ZNF398: variants seen among roughly 807,000 people sequenced by gnomAD.
The protein encoded by ZNF398 is zinc finger protein 398.
In ZNF398, 18 loss-of-function variants were observed where a neutral mutation model predicts 41.9. The observed-to-expected ratio is 0.43, with a 90% CI of 0.30 to 0.64. The LOEUF is 0.64. Among genes scored for constraint, ZNF398 ranks in the 30% least tolerant of loss-of-function variants. The pLI, the probability that ZNF398 is intolerant of heterozygous loss-of-function variation, is 0.14. For synonymous variants in ZNF398, 260 were observed against 308.8 expected, an observed-to-expected ratio of 0.84 and a Z score of 1.66; for missense variants, 669 against 822.8, an observed-to-expected ratio of 0.81 and a Z score of 2.29.
At chr7:149,149,437 T>G (rs1246454021) in intron 1 of ZNF398, among the ~76,000 whole-genome samples, 2 of 152,020 alleles carry the variant, frequency 1.3e-5, no homozygotes, top group Non-Finnish European at 2.9e-5. Context: ...TTTCACCGTG[T>G]TTGCCGGGAT....
At chr7:149,127,429 G>A (rs565189349) in intron 1 of ZNF398, among the ~76,000 whole-genome samples, 5 of 151,900 alleles carry the variant, frequency 3.3e-5, no homozygotes, top group African/African-American at 7.2e-5. Flanking sequence ...CGTTTCGGAT[G>A]GGCGCGGTGC....
chr7:149,127,505 G>A (rs547484008), intron 1 of ZNF398, among the ~76,000 whole-genome samples: 1 of 134,898 alleles, frequency 7.4e-6, no homozygotes, highest in African/African-American at 2.8e-5. Context: ...AGGAGAGCGA[G>A]ACCATCCTGG....
At chr7:149,153,237 G>A (rs1794898871) in intron 1 of ZNF398, among the ~76,000 whole-genome samples, 1 of 152,138 alleles carries the variant, frequency 6.6e-6, no homozygotes, top group Non-Finnish European at 1.5e-5. Flanking sequence ...CAGCTACTTA[G>A]GAGGTTGAGG....
intron 2 of ZNF398, among the ~76,000 whole-genome samples, chr7:149,132,993 G>A (rs1826629422): frequency 6.6e-6 from 1 of 152,002 alleles, no homozygotes; most frequent in African/African-American, 2.4e-5. Context: ...CTCACTATCT[G>A]CCTAAATAAT....
chr7:149,149,195 A>G (rs1338369249), intron 1 of ZNF398, among the ~76,000 whole-genome samples: 1 of 152,074 alleles, frequency 6.6e-6, no homozygotes, highest in Non-Finnish European at 1.5e-5. Flanking sequence ...TATCTAACTC[A>G]ATATATGCAA....
Position 149,154,325 on chromosome 7 carries a change from G to A in ZNF398, c.405G>A (p.Lys135=). 6.2e-7 allele frequency: 1 copy of A among 1,612,502 alleles called. No individual in the cohort carries two copies. The highest frequency in any genetic ancestry group is 8.5e-7 in the Non-Finnish European group (1 of 1,179,234). ...FWILRLPPGI[K]GDIPKVPVAF... is the part of the protein sequence containing the mutation. ...TCCTGCGGCTCCCTCCAGGTATTAA[G>A]GGAGATATCCCAAAGGTAATACCTT... Residue 135 remains lysine (K), a synonymous_variant, in exon 2 of 6, where the codon AAG becomes AAA. Transcript: ENST00000475153.
At chr7:149,152,599 T>C (rs1308207082) in intron 1 of ZNF398, among the ~76,000 whole-genome samples, 3 of 148,374 alleles carry the variant, frequency 2.0e-5, no homozygotes, top group South Asian at 2.1e-4. Context: ...GGAGTTTTGC[T>C]CTTATTGCCC....
chr7:149,172,151 A>G (rs567674195), intron 4 of ZNF398, among the ~76,000 whole-genome samples: 2 of 152,342 alleles, frequency 1.3e-5, no homozygotes, highest in South Asian at 2.1e-4. Context: ...GTATCAGCAT[A>G]GAGACTACAT....
intron 4 of ZNF398, among the ~76,000 whole-genome samples, chr7:149,171,526 C>G (rs1312129490): frequency 1.3e-5 from 2 of 151,358 alleles, no homozygotes; most frequent in South Asian, 2.1e-4. Context: ...GCTGCGCCCC[C>G]ACGCCCGGCT....
intron 1 of ZNF398, among the ~76,000 whole-genome samples, chr7:149,152,848 C>T (rs1227750148): frequency 3.3e-5 from 5 of 151,078 alleles, no homozygotes; most frequent in South Asian, 2.1e-4. Flanking sequence ...AGCCACCCAC[C>T]GTGCCCAGCC....
At chr7:149,148,861 GTCTTTT>G (rs1827032280) in intron 1 of ZNF398, among the ~76,000 whole-genome samples, 1 of 29,854 alleles carries the variant, frequency 3.3e-5, no homozygotes, top group Admixed American at 3.9e-4. Flanking sequence ...CTTTTTCTTT[GTCTTTT>G]TTTTTTTTTT....
rs867198757 is a variant in ZNF398 at position 149,147,579 on chromosome 7, C to T, written c.-164C>T. 2.6e-6 allele frequency: 2 copies of T among 766,922 alleles called. No individual in the cohort carries two copies. Among genetic ancestry groups the T allele is most frequent in the Non-Finnish European group, 3.5e-6 (2 of 578,216 alleles). 47.5% of individuals were successfully genotyped at this position (766,922 alleles called of 1,614,324 possible). On this transcript the variant is annotated 5_prime_UTR_variant, in exon 1 of 6. Transcript: ENST00000475153. The surrounding 1 kb of genome is among the most constrained non-coding windows in gnomAD (Gnocchi z 5.6). The stretch of plus-strand genomic sequence containing the variant: ...GCCTCCGCCGCGTTCCTGCGCGTCC[C>T]GAGCCCCGACGGCCGCGTGAGTCCC...
At chr7:149,173,157 T>C (rs895988217) in intron 4 of ZNF398, among the ~76,000 whole-genome samples, 1 of 134,532 alleles carries the variant, frequency 7.4e-6, no homozygotes, top group African/African-American at 2.8e-5. Flanking sequence ...CAGACTGGGG[T>C]GCAGTGGCAC....
Position 149,147,823 on chromosome 7 carries a change from G to T in ZNF398, c.24+57G>T. The T allele has an allele frequency of 7.5e-7, 1 of 1,329,534 alleles. No homozygotes were observed. The highest frequency in any genetic ancestry group is 9.6e-7 in the Non-Finnish European group (1 of 1,036,446). 82.4% of individuals were successfully genotyped at this position (1,329,534 alleles called of 1,614,324 possible). ...CCCCGAGACCCAGACCCCGAGGGAG[G>T]AAGGCGGGCGGGCAGGGAGCTGCCA... On this transcript the variant is annotated intron_variant, in intron 1 of 5. Transcript: ENST00000475153. This position sits in a 1 kb window ranked among gnomAD's most constrained non-coding sequence, Gnocchi z 5.6.
At position 149,154,254 on chromosome 7, in the gene ZNF398, C is replaced by A; in HGVS notation, c.334C>A (p.Arg112=). ...LLQEYGLLQR[R]LENLENLLRN... is the part of the protein sequence containing the mutation. The stretch of plus-strand genomic sequence containing the variant: ...GCAGGAGTACGGGCTGCTGCAGAGG[C>A]GGCTGGAGAACTTGGAGAACCTGCT... Residue 112 remains arginine (R), a synonymous_variant, in exon 2 of 6, where the codon CGG becomes AGG. Transcript: ENST00000475153. The A allele has an allele frequency of 6.2e-7, 1 of 1,614,124 alleles. No homozygotes were observed. Among genetic ancestry groups the A allele is most frequent in the East Asian group, 2.2e-5 (1 of 44,880 alleles).
chr7:149,168,828 T>C (rs193243295), intron 4 of ZNF398, among the ~76,000 whole-genome samples: 71 of 152,324 alleles, frequency 4.7e-4, no homozygotes, highest in African/African-American at 1.6e-3. Flanking sequence ...GTGCTGGGAT[T>C]ACAGGAGTGA....
At chr7:149,169,946 C>A (rs1795297618) in intron 4 of ZNF398, among the ~76,000 whole-genome samples, 1 of 152,134 alleles carries the variant, frequency 6.6e-6, no homozygotes, top group African/African-American at 2.4e-5. Flanking sequence ...CTGCAGGAAA[C>A]CAGGGACAGG....
chr7:149,137,526 C>T (rs1419098163), intron 2 of ZNF398, among the ~76,000 whole-genome samples: 1 of 152,078 alleles, frequency 6.6e-6, no homozygotes, highest in Non-Finnish European at 1.5e-5. Flanking sequence ...GGATAACATG[C>T]GTGCACCACC....
intron 2 of ZNF398, among the ~76,000 whole-genome samples, chr7:149,165,893 T>A (rs1795217872): frequency 6.6e-6 from 1 of 152,228 alleles, no homozygotes; most frequent in African/African-American, 2.4e-5. Flanking sequence ...GATATTTTAT[T>A]ACTGCTTACC....
Sources: allele counts gnomAD v4.1 joint callset (sites outside exome capture counted in the v4.1 genomes callset), GRCh38; gene constraint gnomAD v4.1.1; non-coding constraint Gnocchi (gnomAD v3.1); transcripts MANE v1.5; gene names NCBI Gene and HGNC (gene_info 2026-07-23, HGNC 2026-07-21).